Variants in TMEM67 observed in about 807,000 individuals in gnomAD.
TMEM67 encodes transmembrane protein 67, also known as meckelin.
In TMEM67, 124 loss-of-function variants were observed where a neutral mutation model predicts 136.6. The observed-to-expected ratio is 0.91, with a 90% CI of 0.78 to 1.05. The LOEUF is 1.05. Ranked by LOEUF, TMEM67 falls within the 50% of genes least tolerant of loss-of-function variation. TMEM67 has a pLI of 0.00. For synonymous variants in TMEM67, 364 were observed against 390.5 expected (o/e 0.93, Z 0.80); for missense variants, 1,107 against 1,178.4 (o/e 0.94, Z 0.89).
chr8:93,824,581 G>C, the TMEM67 span, among the ~76,000 whole-genome samples: 1 of 152,074 alleles, frequency 6.6e-6, no homozygotes, highest in Non-Finnish European at 1.5e-5. Context: ...AGGATAAAGA[G>C]GCACAGTAGA....
intron 11 of TMEM67, 100 bp from the exon 12 acceptor site, chr8:93,785,122 T>C (rs1814033013): frequency 1.2e-6 from 1 of 809,734 alleles, no homozygotes; most frequent in South Asian, 1.5e-5. Context: ...ATAATAAATA[T>C]GCTTGCTAAT....
intron 20 of TMEM67, among the ~76,000 whole-genome samples, chr8:93,797,959 G>T (rs1032928058): frequency 1.2e-4 from 19 of 152,192 alleles, no homozygotes; most frequent in African/African-American, 4.6e-4. Flanking sequence ...TCCAGCCTGG[G>T]CAGAAAGAGC....
downstream of TMEM67, among the ~76,000 whole-genome samples, chr8:93,822,702 T>C (rs1809058402): frequency 6.6e-6 from 1 of 152,198 alleles, no homozygotes; most frequent in Non-Finnish European, 1.5e-5. Flanking sequence ...ATGACTACAG[T>C]GCATTCTAAA....
intron 15 of TMEM67, among the ~76,000 whole-genome samples, chr8:93,792,834 G>A (rs1379901624): frequency 2.7e-5 from 4 of 147,794 alleles, no homozygotes; most frequent in East Asian, 4.0e-4. Flanking sequence ...GCAGTGGCGC[G>A]ATCTTGGTGG....
At chr8:93,805,958 T>C (rs1008451978) in intron 23 of TMEM67, among the ~76,000 whole-genome samples, 1 of 152,196 alleles carries the variant, frequency 6.6e-6, no homozygotes, top group African/African-American at 2.4e-5. Flanking sequence ...AAGTATATAA[T>C]TTCACCAATG....
chr8:93,790,019 A>C (rs896646766), intron 14 of TMEM67, among the ~76,000 whole-genome samples: 1 of 152,198 alleles, frequency 6.6e-6, no homozygotes, highest in South Asian at 2.1e-4. Flanking sequence ...TAGAGATGGC[A>C]GTAAACCAAG....
At chr8:93,806,816 C>G (rs1171403097) in intron 23 of TMEM67, among the ~76,000 whole-genome samples, 1 of 151,822 alleles carries the variant, frequency 6.6e-6, no homozygotes, top group African/African-American at 2.4e-5. Flanking sequence ...AGATGATATT[C>G]TAAGGATAAA....
chr8:93,757,985 G>C (rs1812657875), intron 2 of TMEM67, among the ~76,000 whole-genome samples: 1 of 152,110 alleles, frequency 6.6e-6, no homozygotes, highest in South Asian at 2.1e-4. Flanking sequence ...TCAAGCTTTG[G>C]CCTCAAGTGA....
chr8:93,831,480 T>A, the TMEM67 span, among the ~76,000 whole-genome samples: 1 of 152,212 alleles, frequency 6.6e-6, no homozygotes, highest in Non-Finnish European at 1.5e-5. Flanking sequence ...ATAACAGGAC[T>A]ATTTTTTTCT....
Position 93,755,776 on chromosome 8 carries a change from AGG to A in TMEM67, c.224-1_224del. The stretch of plus-strand genomic sequence containing the variant: ...CTTTTTTTTTTTTTTTTTTTTTTTT[AGG>A]AACTTCATGTGTATGTCTACCAGGA... On this transcript the variant is annotated splice_acceptor_variant and coding_sequence_variant, in exon 2 of 28. Coordinates refer to ENST00000453321, the MANE Select transcript of TMEM67 (RefSeq NM_153704.6). LOFTEE classifies it high-confidence loss of function. 5 of 337,804 alleles carry A rather than the reference AGG, an allele frequency of 1.5e-5. No individual in the cohort carries two copies. The highest frequency in any genetic ancestry group is 2.3e-5 in the Non-Finnish European group (5 of 218,068). 20.9% of individuals were successfully genotyped at this position (337,804 alleles called of 1,614,324 possible). A position where few individuals can be genotyped will look rare whatever the true frequency, so the allele number is the denominator to read the frequency against.
the TMEM67 span, among the ~76,000 whole-genome samples, chr8:93,829,552 C>T: frequency 6.6e-6 from 1 of 152,200 alleles, no homozygotes; most frequent in Non-Finnish European, 1.5e-5. Flanking sequence ...GCCTCTTCTC[C>T]CTGCGATCAC....
chr8:93,809,877 C>A lies in TMEM67; in HGVS notation c.2754C>A (p.Ile918=). The change falls in exon 26 of 28, where the codon ATC becomes ATA. Residue 918 remains isoleucine, a synonymous_variant. Coordinates refer to ENST00000453321, the MANE Select transcript of TMEM67 (RefSeq NM_153704.6). The stretch of plus-strand genomic sequence containing the variant: ...TCATGGAACCAATGGAAAAAAGCAT[C>A]TTTTACAATGGTATCTTCTAAATCC... ...MEFMEPMEKS[I]FYNDEGYSFS... is the part of the protein sequence containing the mutation. 6.3e-7 allele frequency: 1 copy of A among 1,595,392 alleles called. No homozygotes were observed. Among genetic ancestry groups the A allele is most frequent in the East Asian group, 2.2e-5 (1 of 44,568 alleles).
At position 93,799,623 on chromosome 8, in the gene TMEM67, G is replaced by A. The variant is rs1814775996; in HGVS notation, c.2106G>A (p.Val702=). ...VLTVLFFLEV[V]GFKNLALMDS... ...ACTTTTCCTTTTTACTCCAGGTTGT[G>A]GGATTCAAGAACTTAGCATTAATGG... Residue 702 remains valine, a synonymous_variant, in exon 21 of 28, where the codon GTG becomes GTA. Coordinates refer to ENST00000453321, the MANE Select transcript of TMEM67 (RefSeq NM_153704.6). 2 of 1,612,228 alleles carry A rather than the reference G, an allele frequency of 1.2e-6. No individual in the cohort carries two copies. The highest frequency in any genetic ancestry group is 2.2e-5 in the South Asian group (2 of 91,034).
At chr8:93,793,351 C>T (rs941749499) in intron 16 of TMEM67, 55 bp downstream of exon 16, 1 of 1,422,530 alleles carries the variant, frequency 7.0e-7, no homozygotes, top group African/African-American at 1.4e-5. Context: ...ATTCTGGATC[C>T]TTCTCATAAG....
At chr8:93,814,157 TGA>T (rs1808808029) in intron 26 of TMEM67, among the ~76,000 whole-genome samples, 2 of 90,340 alleles carry the variant, frequency 2.2e-5, no homozygotes, top group Non-Finnish European at 4.8e-5. Flanking sequence ...TTTTTTTTTT[TGA>T]GACGTAGTAT....
chr8:93,782,575 T>TTG, intron 11 of TMEM67, 115 bp downstream of exon 11: 1 of 714,022 alleles, frequency 1.4e-6, no homozygotes, highest in African/African-American at 1.8e-5. Context: ...TTCTTGGTTT[T>TTG]TTTTTTTTTT....
rs773509442 is a variant in TMEM67, at chr8:93,787,944, G to A, written c.1513G>A (p.Val505Met). 6 of 1,609,018 alleles carry A rather than the reference G, an allele frequency of 3.7e-6. No homozygotes were observed. The highest frequency in any genetic ancestry group is 4.5e-5 in the East Asian group (2 of 44,816). The part of the protein sequence containing the change: ...IDIKDANSQS[V>M]KVSFSVTYEM... ...TATCAAAGATGCCAACAGCCAGTCT[G>A]TGAAGGTGAGTTCCTGACTTATTAG... is the stretch of plus-strand genomic sequence containing the variant. Residue 505 changes from valine (V) to methionine (M), a missense_variant, in exon 14 of 28, where the codon GTG (valine) becomes ATG (methionine). By Grantham distance (21) the Val-to-Met change is conservative (BLOSUM62 1). This residue lies in a region of TMEM67 where 925 missense variants were observed against 1,002.4 expected (regional missense o/e 0.92). Transcript: ENST00000453321.
At chr8:93,784,662 C>T (rs754644410) in intron 11 of TMEM67, among the ~76,000 whole-genome samples, 42 of 152,066 alleles carry the variant, frequency 2.8e-4, no homozygotes, top group Non-Finnish European at 5.4e-4. Flanking sequence ...CAGAAGAACA[C>T]AGTGGGGAAG....
At chr8:93,778,857 T>C (rs1231076939) in intron 7 of TMEM67, among the ~76,000 whole-genome samples, 1 of 152,194 alleles carries the variant, frequency 6.6e-6, no homozygotes, top group African/African-American at 2.4e-5. Flanking sequence ...TCAAGGAGTA[T>C]CTTTGTTTTG....
Sources: allele counts gnomAD v4.1 joint callset (sites outside exome capture counted in the v4.1 genomes callset), GRCh38; gene constraint gnomAD v4.1.1; regional missense constraint gnomAD v4.1.1; transcripts MANE v1.5; gene names NCBI Gene and HGNC (gene_info 2026-07-23, HGNC 2026-07-21).